The following SYT1 variants were observed in gnomAD, a reference collection of about 807,000 sequenced individuals.
The protein encoded by SYT1 is synaptotagmin-1.
Under a neutral mutation model 44.8 loss-of-function variants are expected in SYT1, and 8 were observed. That is an observed-to-expected ratio of 0.18 (90% CI 0.10 to 0.32). The LOEUF (loss-of-function observed/expected upper bound fraction) is 0.32, where lower values mean the gene tolerates loss of function less well. Among genes scored for constraint, SYT1 ranks in the 10% least tolerant of loss-of-function variants. The pLI is 1.00. For synonymous variants in SYT1, 154 were observed against 188.8 expected (o/e 0.82, Z 1.51); for missense variants, 286 against 509.3 (o/e 0.56, Z 4.22).
At chr12:79,330,477 G>A (rs1881805386) in intron 8 of SYT1, among the ~76,000 whole-genome samples, 1 of 152,128 alleles carries the variant, frequency 6.6e-6, no homozygotes, top group South Asian at 2.1e-4. Flanking sequence ...AAAGAGCATG[G>A]ATGTCTGTGC....
rs559894598 is a variant in SYT1 at position 79,000,288 on chromosome 12, C to CTTTT, written c.-84+22376_-84+22379dup. ...CTTTTTAGAATTGCCTTAACTGCTTCTTTTTTTTTTTTTTTTTTTTTTGTG... is the reference window on the plus strand; with the variant it reads ...CTTTTTAGAATTGCCTTAACTGCTTCTTTTTTTTTTTTTTTTTTTTTTTTTTGTG... On this transcript the variant is annotated intron_variant, in intron 2 of 10. Transcript: ENST00000261205. 5.6e-3 allele frequency among the ~76,000 whole-genome samples: 634 copies of CTTTT among 112,832 alleles called. 1 individual carries two copies. Among genetic ancestry groups the CTTTT allele is most frequent in the African/African-American group, 7.3e-3 (220 of 30,048 alleles). 74.0% of individuals were successfully genotyped at this position (112,832 alleles called of 152,430 possible).
At chr12:79,224,508 C>T (rs1406195513) in intron 4 of SYT1, among the ~76,000 whole-genome samples, 1 of 151,816 alleles carries the variant, frequency 6.6e-6, no homozygotes, top group Non-Finnish European at 1.5e-5. Context: ...GAACCAAGGC[C>T]CTTAGGTAAG....
At chr12:78,918,882 C>T (rs1876821527) in intron 1 of SYT1, among the ~76,000 whole-genome samples, 2 of 151,966 alleles carry the variant, frequency 1.3e-5, no homozygotes, top group Non-Finnish European at 1.5e-5. Flanking sequence ...TTATGACATA[C>T]TAAATTAAAT....
intron 1 of SYT1, among the ~76,000 whole-genome samples, chr12:78,888,896 C>A (rs559022370): frequency 6.6e-6 from 1 of 152,010 alleles, no homozygotes; most frequent in South Asian, 2.1e-4. Flanking sequence ...AGATTTACTA[C>A]CTGCTTCTCT....
chr12:79,363,143 G>A (rs1883384986), intron 9 of SYT1, among the ~76,000 whole-genome samples: 1 of 152,000 alleles, frequency 6.6e-6, no homozygotes, highest in African/African-American at 2.4e-5. Context: ...AAAAAAATAA[G>A]GAGGGTCAGA....
intron 2 of SYT1, among the ~76,000 whole-genome samples, chr12:79,023,864 G>C (rs1872352733): frequency 1.3e-5 from 2 of 151,570 alleles, no homozygotes; most frequent in South Asian, 4.1e-4. Flanking sequence ...CTATAGGTTA[G>C]AGACATCATA....
chr12:78,914,724 CT>C (rs1335174392), intron 1 of SYT1, among the ~76,000 whole-genome samples: 3 of 151,916 alleles, frequency 2.0e-5, no homozygotes, highest in Admixed American at 6.6e-5. Context: ...AGCTTAAGTG[CT>C]ATATTAGGAA....
chr12:79,251,982 T>TAGATA lies in SYT1; in HGVS notation c.167-33805_167-33804insAGATA, dbSNP rs1555211615. Among the ~76,000 whole-genome samples the TAGATA allele has an allele frequency of 7.2e-3, 1,080 of 149,922 alleles. 8 individuals carry two copies. The highest frequency in any genetic ancestry group is 0.026 in the South Asian group (121 of 4,728). ...TGTTTTTCTTAACAAGATAGATGATTGATAGATAGATAGATAGATAGATAG... is the reference window on the plus strand; with the variant it reads ...TGTTTTTCTTAACAAGATAGATGATTAGATAGATAGATAGATAGATAGATAGATAG... On this transcript the variant is annotated intron_variant, in intron 4 of 10. Coordinates refer to ENST00000261205, the MANE Select transcript of SYT1 (RefSeq NM_005639.3).
chr12:78,903,080 T>C (rs1409612334), intron 1 of SYT1, among the ~76,000 whole-genome samples: 1 of 152,116 alleles, frequency 6.6e-6, no homozygotes, highest in African/African-American at 2.4e-5. Flanking sequence ...ATTGTCAAAA[T>C]TCATTTATCT....
chr12:79,418,045 G>A (rs998353240), intron 9 of SYT1, among the ~76,000 whole-genome samples: 8 of 152,086 alleles, frequency 5.3e-5, no homozygotes, highest in Non-Finnish European at 7.4e-5. Flanking sequence ...TACACAAAGC[G>A]TCCTCTTTCT....
At chr12:79,113,740 G>A (rs537582716) in intron 3 of SYT1, among the ~76,000 whole-genome samples, 8 of 152,184 alleles carry the variant, frequency 5.3e-5, no homozygotes, top group Non-Finnish European at 1.0e-4. Flanking sequence ...GAAATGTGAA[G>A]TTTTAATAAA....
chr12:79,290,715 A>G (rs931208317), intron 5 of SYT1, among the ~76,000 whole-genome samples: 1 of 152,236 alleles, frequency 6.6e-6, no homozygotes, highest in Non-Finnish European at 1.5e-5. Context: ...TGAAAATGCT[A>G]TAACCTAAAA....
At chr12:79,341,869 C>T (rs1432319993) in intron 8 of SYT1, among the ~76,000 whole-genome samples, 2 of 151,734 alleles carry the variant, frequency 1.3e-5, no homozygotes, top group Non-Finnish European at 2.9e-5. Context: ...GGAGTTTCAC[C>T]GTGTTAGCCA....
intron 9 of SYT1, among the ~76,000 whole-genome samples, chr12:79,434,481 A>C (rs925348689): frequency 1.3e-5 from 2 of 152,238 alleles, no homozygotes; most frequent in Non-Finnish European, 2.9e-5. Flanking sequence ...TGAAACTGCC[A>C]GTGGTAGAAA....
intron 2 of SYT1, among the ~76,000 whole-genome samples, chr12:79,018,246 A>G (rs1871941037): frequency 3.3e-5 from 5 of 151,388 alleles, no homozygotes; most frequent in Admixed American, 3.3e-4. Context: ...TCGCAAGGAC[A>G]AAAAACCAAA....
chr12:79,082,475 C>T (rs575361155), intron 3 of SYT1, among the ~76,000 whole-genome samples: 38 of 152,222 alleles, frequency 2.5e-4, no homozygotes, highest in African/African-American at 8.9e-4. Flanking sequence ...CAGACATGAT[C>T]CCTATCCTCA....
intron 3 of SYT1, among the ~76,000 whole-genome samples, chr12:79,125,969 C>G (rs1360340149): frequency 6.6e-6 from 1 of 152,068 alleles, no homozygotes; most frequent in Non-Finnish European, 1.5e-5. Context: ...TATTTAGTGT[C>G]GTTCTCAGTC....
chr12:79,127,292 TC>T (rs947055273), intron 3 of SYT1, among the ~76,000 whole-genome samples: 1 of 152,266 alleles, frequency 6.6e-6, no homozygotes, highest in Non-Finnish European at 1.5e-5. Context: ...TTAGTGCCCT[TC>T]ACACATTGGC....
chr12:79,181,600 G>A (rs1000290691), intron 3 of SYT1, among the ~76,000 whole-genome samples: 1 of 151,766 alleles, frequency 6.6e-6, no homozygotes, highest in African/African-American at 2.4e-5. Context: ...GAGACCCTAT[G>A]ATCTGATTTC....
Sources: allele counts gnomAD v4.1 joint callset (sites outside exome capture counted in the v4.1 genomes callset), GRCh38; gene constraint gnomAD v4.1.1; transcripts MANE v1.5; gene names NCBI Gene and HGNC (gene_info 2026-07-23, HGNC 2026-07-21).